The following TAF1C variants were observed in gnomAD, a reference collection of about 807,000 sequenced individuals.
TAF1C encodes TATA box-binding protein-associated factor RNA polymerase I subunit C.
TAF1C carries 79 observed loss-of-function variants against 70.5 expected under a neutral mutation model. The ratio of observed to expected loss-of-function variants is 1.12; its 90% CI spans 0.93 to 1.35. The LOEUF (loss-of-function observed/expected upper bound fraction) is 1.35, where lower values mean the gene tolerates loss of function less well. Ranked by LOEUF, TAF1C falls within the 40% of genes most tolerant of loss-of-function variation. The probability of loss-of-function intolerance (pLI) is 0.00; values close to 1 mark genes in which losing one functional copy is unlikely to be tolerated. For missense variants in TAF1C, 1,412 were observed against 1,127.8 expected, an observed-to-expected ratio of 1.25 and a Z score of -3.61; for synonymous variants, 614 against 491.1, an observed-to-expected ratio of 1.25 and a Z score of -3.31.
In TAF1C at chr16:84,178,645, C is replaced by A. The variant is rs1236021872; in HGVS notation, c.*296G>T. On this transcript the variant is annotated 3_prime_UTR_variant, in exon 15 of 15. Coordinates refer to ENST00000566732, the MANE Select transcript of TAF1C (RefSeq NM_001243156.2). ...GCCTGAGGCCCCCACAGCTGAGGCG[C>A]AGCGGAGCCCTGCCTCCCAGCACAG... 1 of 473,114 alleles carries A rather than the reference C, an allele frequency of 2.1e-6. No individual in the cohort carries two copies. Among genetic ancestry groups the A allele is most frequent in the Non-Finnish European group, 3.9e-6 (1 of 256,842 alleles). The allele number at this position is 473,114 out of a possible 1,614,324, so 29.3% of individuals were successfully genotyped here.
rs1257092653 is a variant in TAF1C at position 84,179,723 on chromosome 16, C to T, written c.1750G>A (p.Asp584Asn). 3.1e-6 allele frequency: 5 copies of T among 1,612,276 alleles called. No homozygotes were observed. Among genetic ancestry groups the T allele is most frequent in the Non-Finnish European group, 1.7e-6 (2 of 1,179,854 alleles). Residue 584 changes from aspartate to asparagine, a missense_variant, in exon 15 of 15, where the codon GAT (aspartate) becomes AAT (asparagine). Transcript: ENST00000566732. ...RPQVDSSLRR[D>N]AGPPGDTQPD... ...TGGGTGTCGCCAGGAGGCCCAGCAT[C>T]TCTGCGGAGGCTGGAGTCCACCTGG...
Position 84,181,361 on chromosome 16 carries a change from A to G in TAF1C, c.1131T>C (p.Gly377=). Residue 377 remains glycine, a synonymous_variant, in exon 11 of 15, where the codon GGT becomes GGC. Transcript: ENST00000566732. Reference sequence around the variant, plus strand: ...CCAGCATCTTCACTCCGGTGCGGTCACCCACGGTCAGCACCCGAGGGTGCG... The same window carrying G: ...CCAGCATCTTCACTCCGGTGCGGTCGCCCACGGTCAGCACCCGAGGGTGCG... ...FTAHPRVLTV[G]DRTGVKMLDT... 1 of 1,613,710 alleles carries G rather than the reference A, an allele frequency of 6.2e-7. No individual in the cohort carries two copies. The highest frequency in any genetic ancestry group is 1.1e-5 in the South Asian group (1 of 91,078).
In TAF1C at chr16:84,184,945, C is replaced by G. The variant is rs954543454; in HGVS notation, c.44G>C (p.Gly15Ala). 2.5e-6 allele frequency: 4 copies of G among 1,613,698 alleles called. No individual in the cohort carries two copies. Among genetic ancestry groups the G allele is most frequent in the Non-Finnish European group, 8.5e-7 (1 of 1,179,856 alleles). ...AGGGACGTCGCTCAGACCAAGGGGG[C>G]CGGTCAGAAACAATGCAGGGCGGAG... ...SSLRPALFLT[G>A]PLGLSDVPDL... Residue 15 changes from glycine (G) to alanine (A), a missense_variant, in exon 2 of 15, where the codon GGC becomes GCC. Transcript: ENST00000566732.
Position 84,180,231 on chromosome 16 carries a change from G to T in TAF1C, c.1422C>A (p.Ser474Arg), listed in dbSNP as rs552752231. 3 of 1,539,872 alleles carry T rather than the reference G, an allele frequency of 1.9e-6. No individual in the cohort carries two copies. Among genetic ancestry groups the T allele is most frequent in the Non-Finnish European group, 2.6e-6 (3 of 1,147,850 alleles). ...LARLLPPPRP[S>R]CVQPLLLGGQ... Reference sequence around the variant, plus strand: ...CTCCGAGGAGCAGGGGCTGCACGCAGCTGGGCCGGGGCGGAGGCAGCAGTC... The same window carrying T: ...CTCCGAGGAGCAGGGGCTGCACGCATCTGGGCCGGGGCGGAGGCAGCAGTC... Residue 474 changes from serine to arginine, a missense_variant, in exon 13 of 15, where the codon AGC becomes AGA. Physicochemically the swap from Ser to Arg is moderately radical, Grantham distance 110 (BLOSUM62 -1). Coordinates refer to ENST00000566732, the MANE Select transcript of TAF1C (RefSeq NM_001243156.2).
intron 9 of TAF1C, 38 bp downstream of exon 9, chr16:84,181,708 T>C (rs3815814): frequency 0.51 from 822,967 of 1,613,518 alleles, 210,442 homozygotes; most frequent in Admixed American, 0.58. Flanking sequence ...CAGCCCTGCC[T>C]CCAGCCCCTC....
At chr16:84,185,081 T>G (rs1427275106) in intron 1 of TAF1C, 21 bp from the exon 2 acceptor site, 29 of 1,415,012 alleles carry the variant, frequency 2.0e-5, no homozygotes, top group Non-Finnish European at 2.5e-5. Context: ...AAAAGTGCAC[T>G]ACGGGAAGCA....
intron 3 of TAF1C, 93 bp downstream of exon 3, chr16:84,183,604 G>T: frequency 6.5e-7 from 1 of 1,543,658 alleles, no homozygotes; most frequent in South Asian, 1.2e-5. Context: ...AGCAGGCACA[G>T]GCTTAGCAGG....
rs532440072 is a variant in TAF1C, at chr16:84,184,796, G to C, written c.138+55C>G. 5.2e-6 allele frequency: 8 copies of C among 1,537,032 alleles called. No individual in the cohort carries two copies. The East Asian group carries it at 7.3e-5, about 14-fold the overall frequency. ...CAACTGATGTGAATGTGAGACGGGG[G>C]ACCCAGGGAAGGGATGTCCCTGGAG... is the stretch of plus-strand genomic sequence containing the variant. On this transcript the variant is annotated intron_variant, in intron 2 of 14. Coordinates refer to ENST00000566732, the MANE Select transcript of TAF1C (RefSeq NM_001243156.2).
Position 84,182,169 on chromosome 16 carries a change from C to A in TAF1C, c.721+33G>T, listed in dbSNP as rs745851989. Reference sequence around the variant, plus strand: ...GCACCTCCTCTACCAGAGGCGAGCCCGCTGGAATCTCCTGTCTCGCAAGAA... The same window carrying A: ...GCACCTCCTCTACCAGAGGCGAGCCAGCTGGAATCTCCTGTCTCGCAAGAA... On this transcript the variant is annotated intron_variant, in intron 7 of 14. Coordinates refer to ENST00000566732, the MANE Select transcript of TAF1C (RefSeq NM_001243156.2). This position sits in a 1 kb window ranked among gnomAD's most constrained non-coding sequence, Gnocchi z 5.0. 16 of 1,595,756 alleles carry A rather than the reference C, an allele frequency of 1.0e-5. No homozygotes were observed. In the Admixed American group the frequency reaches 2.0e-4, roughly 20 times the overall value.
In TAF1C at chr16:84,181,389, G is replaced by A; in HGVS notation, c.1103C>T (p.Thr368Ile). Reference sequence around the variant, plus strand: ...CACGGTCAGCACCCGAGGGTGCGCAGTGAAGTCTGCCCAACGCCACGAAGA... The same window carrying A: ...CACGGTCAGCACCCGAGGGTGCGCAATGAAGTCTGCCCAACGCCACGAAGA... ...DSSSWRWADF[T>I]AHPRVLTVGD... Residue 368 changes from threonine to isoleucine, a missense_variant, in exon 11 of 15, where the codon ACT (threonine) becomes ATT (isoleucine). Coordinates refer to ENST00000566732, the MANE Select transcript of TAF1C (RefSeq NM_001243156.2). 6.2e-7 allele frequency: 1 copy of A among 1,613,864 alleles called. No homozygotes were observed. Among genetic ancestry groups the A allele is most frequent in the Non-Finnish European group, 8.5e-7 (1 of 1,179,988 alleles).
chr16:84,186,703 C>T (rs1342743902), intron 1 of TAF1C, among the ~76,000 whole-genome samples, 198 bp downstream of exon 1: 2 of 152,270 alleles, frequency 1.3e-5, no homozygotes, highest in African/African-American at 2.4e-5. Flanking sequence ...CCCGCCCTCG[C>T]TGCGGGCTCT....
intron 12 of TAF1C, chr16:84,180,585 A>C: frequency 1.7e-6 from 1 of 586,078 alleles, no homozygotes. Context: ...GGGTGCTCAG[A>C]AGAGGTGTGG....
rs748038966 is a variant in TAF1C, at chr16:84,181,877, G to C, written c.839-14C>G. The C allele has an allele frequency of 2.5e-6, 4 of 1,614,192 alleles. No homozygotes were observed. In the East Asian group the frequency reaches 8.9e-5, roughly 36 times the overall value. On this transcript the variant is annotated splice_polypyrimidine_tract_variant and intron_variant, in intron 8 of 14. Transcript: ENST00000566732. Reference sequence around the variant, plus strand: ...CGGCCAGCAGAGCTGAGGAGGGATGGAAAGGGCCAGGGGTCAGGTAGCAGG... The same window carrying C: ...CGGCCAGCAGAGCTGAGGAGGGATGCAAAGGGCCAGGGGTCAGGTAGCAGG...
Position 84,181,624 on chromosome 16 carries a change from C to A in TAF1C, c.996G>T (p.Ser332=), listed in dbSNP as rs766546768. The A allele has an allele frequency of 6.2e-7, 1 of 1,613,802 alleles. No homozygotes were observed. The change falls in exon 10 of 15, where the codon TCG becomes TCT. Residue 332 remains serine, a synonymous_variant. Transcript: ENST00000566732. Reference sequence around the variant, plus strand: ...CAGGGCTCCACAGGCAGACGGCTCCCGAGCGGCTGCAGATGGCCAGCTCCC... The same window carrying A: ...CAGGGCTCCACAGGCAGACGGCTCCAGAGCGGCTGCAGATGGCCAGCTCCC... The part of the protein sequence containing the change: ...LPGELAICSR[S]GAVCLWSPED...
Position 84,178,529 on chromosome 16 carries a change from A to AG in TAF1C, c.*411dup, listed in dbSNP as rs971449394. 4.4e-5 allele frequency: 20 copies of AG among 458,462 alleles called. 1 individual carries two copies. The highest frequency in any genetic ancestry group is 3.6e-4 in the African/African-American group (18 of 50,462). 28.4% of individuals were successfully genotyped at this position (458,462 alleles called of 1,614,324 possible). A position where few individuals can be genotyped will look rare whatever the true frequency, so the allele number is the denominator to read the frequency against. On this transcript the variant is annotated 3_prime_UTR_variant, in exon 15 of 15. Coordinates refer to ENST00000566732, the MANE Select transcript of TAF1C (RefSeq NM_001243156.2). ...GTGCCCACCTCATCAGCAGCTCTGC[A>AG]GGGGCCTCACTCCACCCTCACCAAA...
chr16:84,184,791 CG>C, intron 2 of TAF1C, 59 bp downstream of exon 2: 1 of 1,527,728 alleles, frequency 6.5e-7, no homozygotes, highest in Non-Finnish European at 8.8e-7. Flanking sequence ...GAATGTGAGA[CG>C]GGGGACCCAG....
chr16:84,184,804 G>C (rs747146371), intron 2 of TAF1C, 47 bp downstream of exon 2: 13 of 1,550,750 alleles, frequency 8.4e-6, no homozygotes, highest in Non-Finnish European at 1.1e-5. Flanking sequence ...GGGACCCAGG[G>C]AAGGGATGTC....
chr16:84,186,659 C>T (rs986722042), intron 1 of TAF1C, among the ~76,000 whole-genome samples: 1 of 152,256 alleles, frequency 6.6e-6, no homozygotes, highest in African/African-American at 2.4e-5. Context: ...CAAAAGCCCT[C>T]AGACAAGGCA....
intron 1 of TAF1C, among the ~76,000 whole-genome samples, chr16:84,186,381 C>A (rs573063719): frequency 1.3e-5 from 2 of 152,194 alleles, no homozygotes; most frequent in South Asian, 4.1e-4. Context: ...CAGTGAAACC[C>A]TGTCAATACT....
Sources: allele counts gnomAD v4.1 joint callset (sites outside exome capture counted in the v4.1 genomes callset), GRCh38; gene constraint gnomAD v4.1.1; non-coding constraint Gnocchi (gnomAD v3.1); transcripts MANE v1.5; gene names NCBI Gene and HGNC (gene_info 2026-07-23, HGNC 2026-07-21).